The following ACAD10 variants were observed in gnomAD, a reference collection of about 807,000 sequenced individuals.
The protein encoded by ACAD10 is acyl-CoA dehydrogenase family member 10, also known as ACAD-10.
ACAD10 carries 112 observed loss-of-function variants against 116.8 expected under a neutral mutation model. The observed-to-expected ratio is 0.96, with a 90% CI of 0.82 to 1.12. The LOEUF is 1.12. Ranked by LOEUF, ACAD10 falls within the 50% of genes most tolerant of loss-of-function variation. The pLI, the probability that ACAD10 is intolerant of heterozygous loss-of-function variation, is 0.00. For synonymous variants in ACAD10, 486 were observed against 510.6 expected, an observed-to-expected ratio of 0.95 and a Z score of 0.65; for missense variants, 1,259 against 1,350.2, an observed-to-expected ratio of 0.93 and a Z score of 1.06.
chr12:111,687,367 C>G (rs1431503701), intron 1 of ACAD10, among the ~76,000 whole-genome samples: 2 of 151,952 alleles, frequency 1.3e-5, no homozygotes, highest in African/African-American at 4.8e-5. Context: ...TTGTTTTTGG[C>G]AAGGGGGCGG....
At chr12:111,703,712 T>C (rs1389068517) in intron 3 of ACAD10, among the ~76,000 whole-genome samples, 1 of 151,818 alleles carries the variant, frequency 6.6e-6, no homozygotes, top group African/African-American at 2.4e-5. Flanking sequence ...GTGGTGGGCA[T>C]CTGTAATCCC....
chr12:111,694,913 A>G (rs1888154512), intron 2 of ACAD10, among the ~76,000 whole-genome samples: 1 of 152,162 alleles, frequency 6.6e-6, no homozygotes, highest in African/African-American at 2.4e-5. Context: ...ATGTAGTCCC[A>G]GCTACTTGAG....
chr12:111,698,332 T>C (rs1408273036), intron 2 of ACAD10, among the ~76,000 whole-genome samples: 1 of 149,210 alleles, frequency 6.7e-6, no homozygotes, highest in Non-Finnish European at 1.5e-5. Context: ...CATCTTGCTG[T>C]ATGGCCCAGG....
Position 111,702,260 on chromosome 12 carries a change from A to G in ACAD10, c.286A>G (p.Ile96Val). 1 of 1,614,214 alleles carries G rather than the reference A, an allele frequency of 6.2e-7. No homozygotes were observed. Among genetic ancestry groups the G allele is most frequent in the South Asian group, 1.1e-5 (1 of 91,092 alleles). Residue 96 changes from isoleucine to valine, a missense_variant, in exon 3 of 21, where the codon ATA becomes GTA. Ile to Val is a conservative substitution (Grantham distance 29). Transcript: ENST00000313698. Reference protein sequence around the residue: ...GPWMRFMRAEITAEGFLREFG... With the variant: ...GPWMRFMRAEVTAEGFLREFG... ...CTGGATGAGATTTATGAGAGCAGAAATAACAGCAGAGGGTTTTTTACGAGA... is the reference window on the plus strand; with the variant it reads ...CTGGATGAGATTTATGAGAGCAGAAGTAACAGCAGAGGGTTTTTTACGAGA...
intron 9 of ACAD10, 42 bp downstream of exon 9, chr12:111,728,185 C>CTAG: frequency 6.5e-7 from 1 of 1,539,914 alleles, no homozygotes; most frequent in Non-Finnish European, 8.8e-7. Context: ...TGTTTCATCA[C>CTAG]TAGTGCTTCT....
At chr12:111,736,778 C>A (rs1889575471) in intron 11 of ACAD10, 53 bp from the exon 12 acceptor site, 1 of 1,554,804 alleles carries the variant, frequency 6.4e-7, no homozygotes, top group Admixed American at 2.0e-5. Flanking sequence ...TTGCCAGCCA[C>A]AGGGGCGTGT....
Position 111,697,163 on chromosome 12 carries a change from C to G in ACAD10, c.187+4267C>G, listed in dbSNP as rs192950635. 2.2e-3 allele frequency among the ~76,000 whole-genome samples: 331 copies of G among 151,566 alleles called. 2 individuals are homozygous for G. Among genetic ancestry groups the G allele is most frequent in the African/African-American group, 7.5e-3 (311 of 41,298 alleles). On this transcript the variant is annotated intron_variant, in intron 2 of 20. Coordinates refer to ENST00000313698, the MANE Select transcript of ACAD10 (RefSeq NM_025247.6). ...GACTGAGGCAGGAGAATTGCTGGAA[C>G]TCGGGAGGCAGAGGTTGCAGTGAGC...
At chr12:111,711,393 G>A (rs1304309422) in intron 5 of ACAD10, among the ~76,000 whole-genome samples, 1 of 151,764 alleles carries the variant, frequency 6.6e-6, no homozygotes, top group Non-Finnish European at 1.5e-5. Context: ...AGTAGAGACA[G>A]GGTTTCACTG....
intron 18 of ACAD10, among the ~76,000 whole-genome samples, chr12:111,750,944 T>C (rs1265290480): frequency 6.6e-6 from 1 of 152,226 alleles, no homozygotes; most frequent in Non-Finnish European, 1.5e-5. Flanking sequence ...CCAGTTATTT[T>C]TTCTTTCTAA....
chr12:111,739,724 G>A (rs1175260133), intron 12 of ACAD10, among the ~76,000 whole-genome samples: 1 of 152,052 alleles, frequency 6.6e-6, no homozygotes, highest in Non-Finnish European at 1.5e-5. Flanking sequence ...CATCACCGCA[G>A]TCTAGCCTGG....
At chr12:111,693,473 G>A (rs1888112537) in intron 2 of ACAD10, among the ~76,000 whole-genome samples, 2 of 152,162 alleles carry the variant, frequency 1.3e-5, no homozygotes, top group Non-Finnish European at 2.9e-5. Context: ...AGGTGGTTGA[G>A]GCTGTAGTCA....
At chr12:111,747,468 C>T in intron 16 of ACAD10, 83 bp downstream of exon 16, 4 of 1,588,484 alleles carry the variant, frequency 2.5e-6, no homozygotes, top group Non-Finnish European at 2.6e-6. Context: ...TGGGAGGAGC[C>T]TCTGCTTTTT....
At position 111,697,059 on chromosome 12, in the gene ACAD10, C is replaced by T. The variant is rs539940333; in HGVS notation, c.187+4163C>T. On this transcript the variant is annotated intron_variant, in intron 2 of 20. Coordinates refer to ENST00000313698, the MANE Select transcript of ACAD10 (RefSeq NM_025247.6). Reference sequence around the variant, plus strand: ...TGGCACCACTGCACTCCAACCTGGGCGATACAGCGAGACTCCGTCTCAAAA... The same window carrying T: ...TGGCACCACTGCACTCCAACCTGGGTGATACAGCGAGACTCCGTCTCAAAA... Among the ~76,000 whole-genome samples the T allele has an allele frequency of 2.0e-3, 287 of 146,308 alleles. 3 individuals carry two copies. The highest frequency in any genetic ancestry group is 6.9e-3 in the African/African-American group (270 of 39,226).
In ACAD10 at chr12:111,747,173, T is replaced by C. The variant is rs779812538; in HGVS notation, c.2381T>C (p.Met794Thr). The C allele has an allele frequency of 6.2e-7, 1 of 1,610,614 alleles. No homozygotes were observed. Among genetic ancestry groups the C allele is most frequent in the South Asian group, 1.1e-5 (1 of 90,892 alleles). Reference sequence around the variant, plus strand: ...GGGAAAGCCCGCTCCTGTTTTGCTATGACCGAGCCCCAGGTACGTCGCCTG... The same window carrying C: ...GGGAAAGCCCGCTCCTGTTTTGCTACGACCGAGCCCCAGGTACGTCGCCTG... Reference protein sequence around the residue: ...LEGKARSCFAMTEPQVASSDA... With the variant: ...LEGKARSCFATTEPQVASSDA... The change falls in exon 15 of 21, where the codon ATG (methionine) becomes ACG (threonine). Residue 794 changes from methionine to threonine, a missense_variant. Transcript: ENST00000313698.
Position 111,749,356 on chromosome 12 carries a change from TC to T in ACAD10, c.2817+16del. 4 of 1,605,636 alleles carry T rather than the reference TC, an allele frequency of 2.5e-6. No homozygotes were observed. The highest frequency in any genetic ancestry group is 3.4e-6 in the Non-Finnish European group (4 of 1,175,024). On this transcript the variant is annotated intron_variant, in intron 18 of 20. Transcript: ENST00000313698. ...CTCATGAAGGCCCGCGTGAGTGCTT[TC>T]CCCCGCACCCAGCACTGACTCAGAA...
chr12:111,727,086 C>T (rs1222500495), intron 8 of ACAD10, among the ~76,000 whole-genome samples: 1 of 150,860 alleles, frequency 6.6e-6, no homozygotes, highest in Non-Finnish European at 1.5e-5. Flanking sequence ...ATTAGTCAGG[C>T]GTGGTGGCAT....
chr12:111,714,974 C>G (rs898306227), intron 6 of ACAD10, among the ~76,000 whole-genome samples: 4 of 152,178 alleles, frequency 2.6e-5, no homozygotes, highest in Non-Finnish European at 4.4e-5. Flanking sequence ...CCTTGGCCTC[C>G]CAAAGTGCTG....
chr12:111,691,649 G>A (rs1254247058), intron 1 of ACAD10, among the ~76,000 whole-genome samples: 1 of 149,150 alleles, frequency 6.7e-6, no homozygotes, highest in Non-Finnish European at 1.5e-5. Context: ...AGGCTGGAGT[G>A]CAGTGGCACA....
intron 10 of ACAD10, among the ~76,000 whole-genome samples, chr12:111,732,359 A>G (rs1026467812): frequency 3.3e-5 from 5 of 152,236 alleles, no homozygotes; most frequent in Non-Finnish European, 5.9e-5. Flanking sequence ...AAGTTTCAAA[A>G]GGGTAATATA....
Sources: gnomAD v4.1 joint callset for allele counts (sites outside exome capture counted in the v4.1 genomes callset) on GRCh38, gnomAD v4.1.1 for gene constraint, MANE v1.5 for transcripts, NCBI Gene and HGNC (gene_info 2026-07-23, HGNC 2026-07-21) for gene names.